TYW3: variants seen among roughly 807,000 people sequenced by gnomAD.
The protein encoded by TYW3 is tRNA wybutosine-synthesizing protein 3 homolog.
TYW3 carries 26 observed loss-of-function variants against 23.1 expected under a neutral mutation model. The ratio of observed to expected loss-of-function variants is 1.13; its 90% CI spans 0.83 to 1.56. The LOEUF is 1.56. Among genes scored for constraint, TYW3 ranks in the 40% most tolerant of loss-of-function variants. The pLI is 0.00. For synonymous variants in TYW3, 102 were observed against 105.7 expected, an observed-to-expected ratio of 0.97 and a Z score of 0.21; for missense variants, 316 against 311.9, an observed-to-expected ratio of 1.01 and a Z score of -0.10.
intron 3 of TYW3, among the ~76,000 whole-genome samples, chr1:74,743,398 C>T (rs1268955686): frequency 6.6e-6 from 1 of 151,886 alleles, no homozygotes; most frequent in Non-Finnish European, 1.5e-5. Flanking sequence ...TTTTCAGGGC[C>T]CAGGGCTTGC....
chr1:74,752,166 C>A, intron 4 of TYW3, 126 bp from the exon 5 acceptor site: 4 of 925,108 alleles, frequency 4.3e-6, no homozygotes, highest in Non-Finnish European at 6.1e-6. Flanking sequence ...TCTATCAAAG[C>A]GCTAACTTAA....
Position 74,734,559 on chromosome 1 carries a change from T to C in TYW3, c.174+1141T>C, listed in dbSNP as rs146707530. On this transcript the variant is annotated intron_variant, in intron 1 of 5. Transcript: ENST00000370867. Reference sequence around the variant, plus strand: ...TGCTAAGATCTACGGAAAGAATGAATCTTGTCAGTGAAATTGTGAAGTGAA... The same window carrying C: ...TGCTAAGATCTACGGAAAGAATGAACCTTGTCAGTGAAATTGTGAAGTGAA... Among the ~76,000 whole-genome samples, 274 of 152,246 alleles carry C rather than the reference T, an allele frequency of 1.8e-3. 2 individuals carry two copies. Among genetic ancestry groups the C allele is most frequent in the African/African-American group, 6.3e-3 (262 of 41,542 alleles).
chr1:74,739,459 G>T (rs536189359), intron 3 of TYW3, among the ~76,000 whole-genome samples: 1 of 152,346 alleles, frequency 6.6e-6, no homozygotes, highest in South Asian at 2.1e-4. Flanking sequence ...CTCACTTGAA[G>T]ATAGGCTTCT....
chr1:74,734,844 G>A (rs1648087284), intron 1 of TYW3, among the ~76,000 whole-genome samples: 1 of 152,206 alleles, frequency 6.6e-6, no homozygotes, highest in Admixed American at 6.5e-5. Flanking sequence ...CCTGGCCCAT[G>A]CACTGTAAAA....
At position 74,733,309 on chromosome 1, in the gene TYW3, G is replaced by A. The variant is rs1557739257; in HGVS notation, c.65G>A (p.Arg22Gln). 2 of 1,614,210 alleles carry A rather than the reference G, an allele frequency of 1.2e-6. No homozygotes were observed. The highest frequency in any genetic ancestry group is 1.7e-6 in the Non-Finnish European group (2 of 1,180,038). Residue 22 changes from arginine to glutamine, a missense_variant, in exon 1 of 6, where the codon CGG becomes CAG. By Grantham distance (43) the Arg-to-Gln change is conservative (BLOSUM62 1). Coordinates refer to ENST00000370867, the MANE Select transcript of TYW3 (RefSeq NM_138467.3). ...TGTTTGAGCAAAGCGGACCTCAGCC[G>A]GAAGGGCAGTGTTGACGAGGATGTG... is the stretch of plus-strand genomic sequence containing the variant. ...AQCLSKADLS[R>Q]KGSVDEDVVE... is the part of the protein sequence containing the mutation.
chr1:74,761,168 G>A (rs777094387), intron 5 of TYW3, among the ~76,000 whole-genome samples: 2 of 151,812 alleles, frequency 1.3e-5, no homozygotes, highest in Non-Finnish European at 2.9e-5. Flanking sequence ...TATAAGGGGA[G>A]AACATAACTT....
chr1:74,738,430 G>A (rs1178164751), intron 2 of TYW3, among the ~76,000 whole-genome samples: 2 of 152,194 alleles, frequency 1.3e-5, no homozygotes, highest in African/African-American at 4.8e-5. Context: ...AAATAAAGTA[G>A]TAGTTTACTT....
chr1:74,747,438 C>A (rs534835006), intron 3 of TYW3, among the ~76,000 whole-genome samples: 1 of 151,542 alleles, frequency 6.6e-6, no homozygotes, highest in Non-Finnish European at 1.5e-5. Flanking sequence ...GAGATCGAGA[C>A]CATCCCGGCT....
intron 5 of TYW3, among the ~76,000 whole-genome samples, chr1:74,755,210 G>A (rs1340757301): frequency 6.6e-6 from 1 of 152,032 alleles, no homozygotes; most frequent in African/African-American, 2.4e-5. Flanking sequence ...GTACGCAATA[G>A]GAAATTTACC....
rs1473397569 is a variant in TYW3, at chr1:74,748,760, G to A, written c.364G>A (p.Ala122Thr). 6.2e-7 allele frequency: 1 copy of A among 1,613,934 alleles called. No homozygotes were observed. Among genetic ancestry groups the A allele is most frequent in the Admixed American group, 1.7e-5 (1 of 60,006 alleles). ...TTTTATTTTCTTACAGCATTCCATG[G>A]CAATAGATTCTGGTTTCAGGAACTC... is the stretch of plus-strand genomic sequence containing the variant. ...LQDAQILHSM[A>T]IDSGFRNSGI... The change falls in exon 4 of 6, where the codon GCA becomes ACA. Residue 122 changes from alanine to threonine, a missense_variant. By Grantham distance (58) the Ala-to-Thr change is moderately conservative. Transcript: ENST00000370867.
chr1:74,743,166 A>G (rs1212850409), intron 3 of TYW3, among the ~76,000 whole-genome samples: 4 of 152,148 alleles, frequency 2.6e-5, no homozygotes, highest in South Asian at 2.1e-4. Flanking sequence ...TCGTTGGACA[A>G]TCTTTTTTAA....
intron 3 of TYW3, among the ~76,000 whole-genome samples, chr1:74,745,801 T>C (rs1376292543): frequency 6.6e-6 from 1 of 152,208 alleles, no homozygotes; most frequent in East Asian, 1.9e-4. Flanking sequence ...AGGCTGAAAG[T>C]CCAGGATGAA....
Position 74,738,849 on chromosome 1 carries a change from C to G in TYW3, c.354+61C>G. On this transcript the variant is annotated intron_variant, in intron 3 of 5. Coordinates refer to ENST00000370867, the MANE Select transcript of TYW3 (RefSeq NM_138467.3). ...ATATGTGGGTAGATGTAATTTTAAG[C>G]TTTTAACCTGCTATAAATATCAATG... 9.7e-6 allele frequency: 12 copies of G among 1,241,988 alleles called. 1 individual carries two copies. The highest frequency in any genetic ancestry group is 5.4e-5 in the South Asian group (4 of 74,448). 76.9% of individuals were successfully genotyped at this position (1,241,988 alleles called of 1,614,324 possible).
rs932807520 is a variant in TYW3, at chr1:74,766,243, T to A, written c.*2130T>A. ...GTGTCTTTGCTATGCTTTTTATCATTATTTTAGGGTATACTACTTAAAATG... is the reference window on the plus strand; with the variant it reads ...GTGTCTTTGCTATGCTTTTTATCATAATTTTAGGGTATACTACTTAAAATG... On this transcript the variant is annotated 3_prime_UTR_variant, in exon 6 of 6. Transcript: ENST00000370867. 2 of 152,154 alleles carry A rather than the reference T, an allele frequency of 1.3e-5. No homozygotes were observed. The highest frequency in any genetic ancestry group is 4.8e-5 in the African/African-American group (2 of 41,456). The allele number at this position is 152,154 out of a possible 1,614,324, so 9.4% of individuals were successfully genotyped here.
In TYW3 at chr1:74,766,170, T is replaced by C. The variant is rs552453317; in HGVS notation, c.*2057T>C. 1 of 152,260 alleles carries C rather than the reference T, an allele frequency of 6.6e-6. No individual in the cohort carries two copies. Among genetic ancestry groups the C allele is most frequent in the South Asian group, 2.1e-4 (1 of 4,826 alleles). 9.4% of individuals were successfully genotyped at this position (152,260 alleles called of 1,614,324 possible). A position where few individuals can be genotyped will look rare whatever the true frequency, so the allele number is the denominator to read the frequency against. ...CAGTCATATAAAAGTATGGTACATA[T>C]AATTATGTACAGTGCATACATAATA... On this transcript the variant is annotated 3_prime_UTR_variant, in exon 6 of 6. Transcript: ENST00000370867.
chr1:74,734,156 A>C (rs1409896503), intron 1 of TYW3: 1 of 152,222 alleles, frequency 6.6e-6, no homozygotes, highest in Non-Finnish European at 1.5e-5. Flanking sequence ...GAAAATATTA[A>C]ATGAAAATTC....
In TYW3 at chr1:74,733,237, C is replaced by G. The variant is rs1314467960; in HGVS notation, c.-8C>G. 1 of 1,613,570 alleles carries G rather than the reference C, an allele frequency of 6.2e-7. No homozygotes were observed. Among genetic ancestry groups the G allele is most frequent in the Non-Finnish European group, 8.5e-7 (1 of 1,179,750 alleles). On this transcript the variant is annotated 5_prime_UTR_variant, in exon 1 of 6. Coordinates refer to ENST00000370867, the MANE Select transcript of TYW3 (RefSeq NM_138467.3). ...AGGAGCCGAGCGCAGACCCTGAGTCCGTCACCCATGGATCGCAGCGCGGAG... is the reference window on the plus strand; with the variant it reads ...AGGAGCCGAGCGCAGACCCTGAGTCGGTCACCCATGGATCGCAGCGCGGAG...
chr1:74,753,237 C>T (rs1286784685), intron 5 of TYW3, among the ~76,000 whole-genome samples: 4 of 152,162 alleles, frequency 2.6e-5, no homozygotes, highest in Non-Finnish European at 2.9e-5. Context: ...TTCAGTCAAT[C>T]GCTGTCTGAA....
At chr1:74,763,792 A>C in intron 5 of TYW3, 102 bp from the exon 6 acceptor site, 1 of 783,304 alleles carries the variant, frequency 1.3e-6, no homozygotes, top group South Asian at 2.1e-5. Flanking sequence ...TAAAGCTAAT[A>C]TGGGACATAG....
Sources: gnomAD v4.1 joint callset for allele counts (sites outside exome capture counted in the v4.1 genomes callset) on GRCh38, gnomAD v4.1.1 for gene constraint, MANE v1.5 for transcripts, NCBI Gene and HGNC (gene_info 2026-07-23, HGNC 2026-07-21) for gene names.